NREP: variants seen among roughly 807,000 people sequenced by gnomAD.
NREP encodes the protein neuronal regeneration-related protein.
NREP carries 5 observed loss-of-function variants against 8.6 expected under a neutral mutation model. The ratio of observed to expected loss-of-function variants is 0.58; its 90% CI spans 0.30 to 1.22. The LOEUF (loss-of-function observed/expected upper bound fraction) is 1.22, where lower values mean the gene tolerates loss of function less well. Among genes scored for constraint, NREP ranks in the 50% most tolerant of loss-of-function variants. NREP has a pLI of 0.07. For synonymous variants in NREP, 27 were observed against 28.0 expected (o/e 0.96, Z 0.11); for missense variants, 86 against 82.5 (o/e 1.04, Z -0.17).
At chr5:111,758,538 ACT>A (rs143900521), upstream of NREP, among the ~76,000 whole-genome samples, 2,284 of 152,268 alleles carry the variant, frequency 0.015, 21 homozygotes, top group Non-Finnish European at 0.024. Flanking sequence ...TTTTATGGTA[ACT>A]CTCAGATGTC....
chr5:111,749,708 GA>G (rs1750233391), intron 2 of NREP, among the ~76,000 whole-genome samples: 3 of 152,198 alleles, frequency 2.0e-5, no homozygotes, highest in South Asian at 2.1e-4. Flanking sequence ...AGGGAAGCAT[GA>G]TCTTTCTATC....
At chr5:111,856,066 T>C (rs1478558846) in intron 2 of NREP, among the ~76,000 whole-genome samples, 2 of 152,126 alleles carry the variant, frequency 1.3e-5, no homozygotes, top group Non-Finnish European at 2.9e-5. Flanking sequence ...CCTCCCTCTT[T>C]TGCTAGTTGT....
intron 2 of NREP, among the ~76,000 whole-genome samples, chr5:111,863,722 A>T (rs1477466522): frequency 2.6e-5 from 4 of 152,192 alleles, no homozygotes; most frequent in African/African-American, 9.7e-5. Context: ...TAGTGATGAG[A>T]AGTTGAATAA....
intron 2 of NREP, among the ~76,000 whole-genome samples, chr5:111,851,375 C>T (rs538399625): frequency 1.1e-4 from 16 of 152,180 alleles, no homozygotes; most frequent in Non-Finnish European, 1.9e-4. Flanking sequence ...ATACATATGC[C>T]CCCACAAAAG....
chr5:111,736,330 G>T (rs1220427563), intron 2 of NREP, among the ~76,000 whole-genome samples: 2 of 152,148 alleles, frequency 1.3e-5, no homozygotes, highest in African/African-American at 2.4e-5. Flanking sequence ...AAAAAATTTA[G>T]AAACAGAATC....
chr5:111,823,033 A>T (rs574649310), intron 2 of NREP, among the ~76,000 whole-genome samples: 1 of 152,360 alleles, frequency 6.6e-6, no homozygotes, highest in East Asian at 1.9e-4. Context: ...GAAAAGTTTG[A>T]GATTGGGCAT....
chr5:111,883,996 A>G (rs767358071), intron 2 of NREP, among the ~76,000 whole-genome samples: 2,925 of 152,226 alleles, frequency 0.019, 44 homozygotes, highest in Non-Finnish European at 0.027. Context: ...AAGGAAATAG[A>G]GACACAAAAA....
chr5:111,964,507 C>T (rs1466225865), intron 2 of NREP, among the ~76,000 whole-genome samples: 3 of 152,064 alleles, frequency 2.0e-5, no homozygotes, highest in Non-Finnish European at 4.4e-5. Flanking sequence ...GCTAGGATTA[C>T]AGGTGTGTGC....
intron 2 of NREP, among the ~76,000 whole-genome samples, chr5:111,928,850 A>G (rs1755462128): frequency 6.6e-6 from 1 of 152,164 alleles, no homozygotes; most frequent in Non-Finnish European, 1.5e-5. Context: ...TATTCCTTAA[A>G]AAGATCTCAG....
chr5:111,889,019 G>A (rs1214457090), intron 2 of NREP, among the ~76,000 whole-genome samples: 1 of 152,228 alleles, frequency 6.6e-6, no homozygotes, highest in Non-Finnish European at 1.5e-5. Context: ...TAAAATGCAT[G>A]TCAGAGAAAT....
intron 2 of NREP, among the ~76,000 whole-genome samples, chr5:111,771,897 G>A (rs551566218): frequency 1.3e-5 from 2 of 151,908 alleles, no homozygotes; most frequent in African/African-American, 4.8e-5. Flanking sequence ...ATATTACTTC[G>A]ATTTTAGCTA....
At chr5:111,962,355 C>A (rs1431518688) in intron 2 of NREP, among the ~76,000 whole-genome samples, 3 of 151,932 alleles carry the variant, frequency 2.0e-5, no homozygotes, top group Non-Finnish European at 1.5e-5. Context: ...ACAAAGAGCA[C>A]CCCTGGCATT....
intron 2 of NREP, among the ~76,000 whole-genome samples, chr5:111,950,593 A>G (rs1350048125): frequency 6.6e-6 from 1 of 152,086 alleles, no homozygotes; most frequent in Non-Finnish European, 1.5e-5. Flanking sequence ...AGAAACTATC[A>G]TCAGAGTGAA....
At chr5:111,766,322 C>G (rs1751082819) in intron 2 of NREP, among the ~76,000 whole-genome samples, 2 of 152,164 alleles carry the variant, frequency 1.3e-5, no homozygotes, top group African/African-American at 4.8e-5. Flanking sequence ...AAGTTGATAT[C>G]AGGACAGTTC....
At chr5:111,908,147 T>A (rs1297846052) in intron 2 of NREP, among the ~76,000 whole-genome samples, 1 of 145,078 alleles carries the variant, frequency 6.9e-6, no homozygotes, top group Non-Finnish European at 1.5e-5. Flanking sequence ...TTTTCTTCAT[T>A]GATTATTAGT....
At position 111,821,687 on chromosome 5, in the gene NREP, C is replaced by T. The variant is rs184465298; in HGVS notation, c.136-86180G>A. ...ACAATAAAACAAGAAGCAAGTAGAGCAGAGATGTGTGTTGAGTTTCATGTC... is the reference window on the plus strand; with the variant it reads ...ACAATAAAACAAGAAGCAAGTAGAGTAGAGATGTGTGTTGAGTTTCATGTC... On this transcript the variant is annotated intron_variant, in intron 2 of 3. Coordinates refer to the NREP transcript ENST00000395634. Among the ~76,000 whole-genome samples, 21 of 152,246 alleles carry T rather than the reference C, an allele frequency of 1.4e-4. No homozygotes were observed. The East Asian group carries it at 3.7e-3, about 27-fold the overall frequency.
intron 2 of NREP, among the ~76,000 whole-genome samples, chr5:111,873,996 G>C (rs532465858): frequency 6.6e-6 from 1 of 152,040 alleles, no homozygotes; most frequent in African/African-American, 2.4e-5. Flanking sequence ...TAAAGATGAG[G>C]CCTCACTGTT....
chr5:111,877,674 CTGTT>C (rs1421467088), intron 2 of NREP, among the ~76,000 whole-genome samples: 1 of 152,232 alleles, frequency 6.6e-6, no homozygotes, highest in Non-Finnish European at 1.5e-5. Context: ...AATTTGAACA[CTGTT>C]TGGAATCTCC....
intron 2 of NREP, among the ~76,000 whole-genome samples, chr5:111,893,128 A>G (rs923799695): frequency 3.3e-5 from 5 of 152,184 alleles, no homozygotes; most frequent in African/African-American, 1.2e-4. Flanking sequence ...CTAGATGAAG[A>G]TACCATTCAA....
Sources: gnomAD v4.1 joint callset for allele counts (sites outside exome capture counted in the v4.1 genomes callset) on GRCh38, gnomAD v4.1.1 for gene constraint, MANE v1.5 for transcripts, NCBI Gene and HGNC (gene_info 2026-07-23, HGNC 2026-07-21) for gene names.